Variants in GABBR2 observed in about 807,000 individuals in gnomAD.
GABBR2 encodes the protein G-protein coupled receptor 51.
In GABBR2, 23 loss-of-function variants were observed where a neutral mutation model predicts 105.6. That is an observed-to-expected ratio of 0.22 (90% CI 0.16 to 0.31). The LOEUF (loss-of-function observed/expected upper bound fraction) is 0.31. GABBR2 is among the 10% of genes least tolerant of loss of function. The pLI, the probability that GABBR2 is intolerant of heterozygous loss-of-function variation, is 1.00. For synonymous variants in GABBR2, 478 were observed against 499.7 expected (o/e 0.96, Z 0.58); for missense variants, 734 against 1,245.5 (o/e 0.59, Z 6.18).
chr9:98,314,748 G>T (rs1830688132), intron 13 of GABBR2, among the ~76,000 whole-genome samples: 1 of 152,066 alleles, frequency 6.6e-6, no homozygotes, highest in Admixed American at 6.5e-5. Flanking sequence ...CCTTCCACAG[G>T]AGGGAAGATC....
intron 1 of GABBR2, among the ~76,000 whole-genome samples, chr9:98,698,582 C>T (rs888634612): frequency 3.5e-4 from 53 of 152,056 alleles, no homozygotes; most frequent in African/African-American, 1.2e-3. Flanking sequence ...TCACTGCAAC[C>T]TCCACCTCCC....
At chr9:98,371,714 CA>C in intron 11 of GABBR2, 143 bp from the exon 12 acceptor site, 1 of 612,604 alleles carries the variant, frequency 1.6e-6, no homozygotes, top group Non-Finnish European at 2.9e-6. Context: ...TGGCATCTTT[CA>C]ATCAAATTTC....
chr9:98,586,263 TTCTTTTCTTC>T (rs1356698199), intron 1 of GABBR2, among the ~76,000 whole-genome samples: 3 of 151,080 alleles, frequency 2.0e-5, no homozygotes, highest in African/African-American at 4.9e-5. Flanking sequence ...GCATTTATCC[TTCTTTTCTTC>T]TCTTTTCTTT....
At chr9:98,352,995 C>T (rs1255931726) in intron 13 of GABBR2, among the ~76,000 whole-genome samples, 1 of 152,024 alleles carries the variant, frequency 6.6e-6, no homozygotes, top group Non-Finnish European at 1.5e-5. Context: ...GATGCAGCAG[C>T]TTGGGTTTTA....
At chr9:98,366,374 G>T (rs1203253463) in intron 12 of GABBR2, among the ~76,000 whole-genome samples, 2 of 152,198 alleles carry the variant, frequency 1.3e-5, no homozygotes, top group Non-Finnish European at 2.9e-5. Context: ...GGGTAAGGTA[G>T]AGAAGAGAAA....
At chr9:98,460,198 G>T (rs1361371345) in intron 6 of GABBR2, among the ~76,000 whole-genome samples, 1 of 152,142 alleles carries the variant, frequency 6.6e-6, no homozygotes, top group African/African-American at 2.4e-5. Flanking sequence ...CTGAGGTCAG[G>T]AGTTCAAGAC....
At chr9:98,646,028 T>C (rs893701076) in intron 1 of GABBR2, among the ~76,000 whole-genome samples, 11 of 152,178 alleles carry the variant, frequency 7.2e-5, no homozygotes, top group Non-Finnish European at 1.0e-4. Context: ...GGGATCCCTG[T>C]TGATGAGCAC....
At chr9:98,457,616 T>C (rs1826348377) in intron 6 of GABBR2, among the ~76,000 whole-genome samples, 3 of 152,208 alleles carry the variant, frequency 2.0e-5, no homozygotes, top group South Asian at 4.1e-4. Flanking sequence ...CACGGCTCTT[T>C]ACCAGATTTC....
At chr9:98,521,183 C>T (rs1300665656) in intron 3 of GABBR2, among the ~76,000 whole-genome samples, 2 of 152,296 alleles carry the variant, frequency 1.3e-5, no homozygotes, top group African/African-American at 2.4e-5. Flanking sequence ...GGGGAATCTG[C>T]TTCAGCCTTG....
chr9:98,660,207 C>A (rs926929159), intron 1 of GABBR2, among the ~76,000 whole-genome samples: 1 of 152,090 alleles, frequency 6.6e-6, no homozygotes, highest in East Asian at 1.9e-4. Flanking sequence ...ATACTTCCAC[C>A]ATTACCTTAG....
chr9:98,652,596 G>A (rs988207538), intron 1 of GABBR2, among the ~76,000 whole-genome samples: 1 of 152,048 alleles, frequency 6.6e-6, no homozygotes, highest in Admixed American at 6.5e-5. Context: ...TCCCACACCC[G>A]CCTCTTCCCC....
At chr9:98,376,775 C>T (rs960113388) in intron 11 of GABBR2, among the ~76,000 whole-genome samples, 4 of 152,164 alleles carry the variant, frequency 2.6e-5, no homozygotes, top group Non-Finnish European at 4.4e-5. Flanking sequence ...ACAGCAGAGC[C>T]TTTCTGGGGG....
At chr9:98,413,282 G>T (rs1243213587) in intron 7 of GABBR2, among the ~76,000 whole-genome samples, 1 of 152,124 alleles carries the variant, frequency 6.6e-6, no homozygotes, top group Non-Finnish European at 1.5e-5. Context: ...AGAAAACACT[G>T]GGGTTAAATT....
At chr9:98,698,116 C>T (rs914682805) in intron 1 of GABBR2, among the ~76,000 whole-genome samples, 12 of 152,102 alleles carry the variant, frequency 7.9e-5, no homozygotes, top group African/African-American at 2.7e-4. Flanking sequence ...ACCTCCTGAC[C>T]CTGTACCATG....
chr9:98,338,364 A>C (rs1215458875), intron 13 of GABBR2, among the ~76,000 whole-genome samples: 1 of 152,224 alleles, frequency 6.6e-6, no homozygotes, highest in Non-Finnish European at 1.5e-5. Context: ...AATATTTGTA[A>C]ATTATATATC....
At chr9:98,426,204 T>C (rs1335616346) in intron 7 of GABBR2, among the ~76,000 whole-genome samples, 3 of 152,206 alleles carry the variant, frequency 2.0e-5, no homozygotes, top group African/African-American at 7.2e-5. Context: ...GGGTCATGCT[T>C]AGGCAAAGAG....
chr9:98,385,515 A>G (rs1832056890), intron 11 of GABBR2, 125 bp downstream of exon 11: 1 of 766,406 alleles, frequency 1.3e-6, no homozygotes, highest in Admixed American at 2.1e-5. Flanking sequence ...AAACTACTAA[A>G]TGGGTTGTTC....
intron 1 of GABBR2, among the ~76,000 whole-genome samples, chr9:98,648,705 C>A (rs377088525): frequency 4.6e-5 from 7 of 152,290 alleles, no homozygotes; most frequent in South Asian, 4.1e-4. Flanking sequence ...CTTTTAAATA[C>A]CGACATTCCA....
chr9:98,508,474 A>G (rs539716387), intron 3 of GABBR2, among the ~76,000 whole-genome samples: 2 of 152,384 alleles, frequency 1.3e-5, no homozygotes, highest in East Asian at 1.9e-4. Context: ...GCATCGCCTC[A>G]CCAGGGAAGC....
Sources: allele counts gnomAD v4.1 joint callset (sites outside exome capture counted in the v4.1 genomes callset), GRCh38; gene constraint gnomAD v4.1.1; transcripts MANE v1.5; gene names NCBI Gene and HGNC (gene_info 2026-07-23, HGNC 2026-07-21).